CR2: variants seen among roughly 807,000 people sequenced by gnomAD.
CR2 encodes complement C3d receptor 2, also known as complement receptor type 2.
Under a neutral mutation model 123.0 loss-of-function variants are expected in CR2, and 96 were observed. The observed-to-expected ratio is 0.78, with a 90% CI of 0.66 to 0.93. CR2 has a LOEUF of 0.93. CR2 is among the 40% of genes least tolerant of loss of function. The pLI is 0.00. For synonymous variants in CR2, 484 were observed against 469.5 expected, an observed-to-expected ratio of 1.03 and a Z score of -0.40; for missense variants, 1,258 against 1,361.0, an observed-to-expected ratio of 0.92 and a Z score of 1.19.
At chr1:207,471,680 A>T (rs963176379) in intron 9 of CR2, among the ~76,000 whole-genome samples, 181 bp downstream of exon 9, 2 of 152,190 alleles carry the variant, frequency 1.3e-5, no homozygotes, top group Non-Finnish European at 2.9e-5. Context: ...TTCTTCATCA[A>T]TAACTTAAAT....
At chr1:207,473,266 G>T in intron 10 of CR2, 87 bp downstream of exon 10, 1 of 1,472,828 alleles carries the variant, frequency 6.8e-7, no homozygotes, top group East Asian at 2.3e-5. Flanking sequence ...ATCATGGAAA[G>T]AGGCAAGAGG....
chr1:207,472,167 T>G (rs994678058), intron 9 of CR2, among the ~76,000 whole-genome samples: 2 of 152,074 alleles, frequency 1.3e-5, no homozygotes, highest in Non-Finnish European at 2.9e-5. Context: ...GAGAATCACT[T>G]GAACCCGGGA....
In CR2 at chr1:207,489,466, C is replaced by T. The variant is rs553342642; in HGVS notation, c.*343C>T. The T allele has an allele frequency of 6.6e-6, 1 of 152,288 alleles. No homozygotes were observed. Among genetic ancestry groups the T allele is most frequent in the Non-Finnish European group, 1.5e-5 (1 of 68,020 alleles). The allele number at this position is 152,288 out of a possible 1,614,324, so 9.4% of individuals were successfully genotyped here. A position where few individuals can be genotyped will look rare whatever the true frequency, so the allele number is the denominator to read the frequency against. On this transcript the variant is annotated 3_prime_UTR_variant, in exon 20 of 20. Transcript: ENST00000367057. Reference sequence around the variant, plus strand: ...GAGCTGTCCTGGTATCTAGACCCATCTTCTTTTTGAAATCAGCATACTCAA... The same window carrying T: ...GAGCTGTCCTGGTATCTAGACCCATTTTCTTTTTGAAATCAGCATACTCAA...
chr1:207,479,979 T>C lies in CR2; in HGVS notation c.3114T>C (p.Gly1038=). 1 of 1,611,778 alleles carries C rather than the reference T, an allele frequency of 6.2e-7. No homozygotes were observed. Among genetic ancestry groups the C allele is most frequent in the African/African-American group, 1.3e-5 (1 of 74,954 alleles). The part of the protein sequence containing the change: ...RSRSLAPVLC[G]IAAGLILLTF... ...ATACTTGCTGGATTTTTCTTCTAGG[T>C]ATTGCTGCAGGTTTGATACTTCTTA... Residue 1038 remains glycine (G), a splice_region_variant and synonymous_variant, in exon 18 of 20, where the codon GGT becomes GGC. Transcript: ENST00000367057.
chr1:207,470,120 C>A lies in CR2; in HGVS notation c.1225+18C>A. The A allele has an allele frequency of 1.2e-6, 2 of 1,612,772 alleles. No homozygotes were observed. The highest frequency in any genetic ancestry group is 1.1e-5 in the South Asian group (1 of 90,974). ...TGAAAAGGGTGAGTGTTCCGGTACT[C>A]AGAAAAGGTGCTTCTGATTCGTTTC... On this transcript the variant is annotated intron_variant, in intron 6 of 19. Coordinates refer to ENST00000367057, the MANE Select transcript of CR2 (RefSeq NM_001006658.3).
intron 1 of CR2, among the ~76,000 whole-genome samples, chr1:207,456,061 T>A (rs1657826253): frequency 6.6e-6 from 1 of 152,198 alleles, no homozygotes; most frequent in Non-Finnish European, 1.5e-5. Flanking sequence ...AAACAAAAAA[T>A]TAAGAAATAT....
chr1:207,462,493 T>TG (rs1433520890), intron 1 of CR2, among the ~76,000 whole-genome samples: 1 of 152,164 alleles, frequency 6.6e-6, no homozygotes, highest in East Asian at 1.9e-4. Flanking sequence ...AATATATGCA[T>TG]TTTTTCCCTA....
chr1:207,463,636 CTTTATT>C, intron 1 of CR2, among the ~76,000 whole-genome samples: 1 of 152,114 alleles, frequency 6.6e-6, no homozygotes, highest in South Asian at 2.1e-4. Flanking sequence ...GATGATCACT[CTTTATT>C]TTTATTTTTA....
rs34486455 is a variant in CR2 at position 207,466,656 on chromosome 1, A to T, written c.189A>T (p.Leu63=). 3.7e-6 allele frequency: 6 copies of T among 1,613,992 alleles called. No homozygotes were observed. The Admixed American group carries it at 1.0e-4, about 27-fold the overall frequency. Residue 63 remains leucine (L), a synonymous_variant, in exon 2 of 20, where the codon CTA becomes CTT. Coordinates refer to ENST00000367057, the MANE Select transcript of CR2 (RefSeq NM_001006658.3). ...GTFRLIGEKS[L]LCITKDKVDG... is the part of the protein sequence containing the mutation. ...TCCGCCTCATTGGAGAAAAAAGTCT[A>T]TTATGCATAACTAAAGACAAAGTGG...
chr1:207,474,640 T>C (rs1658383914), intron 13 of CR2, among the ~76,000 whole-genome samples, 184 bp from the exon 14 acceptor site: 1 of 152,244 alleles, frequency 6.6e-6, no homozygotes, highest in South Asian at 2.1e-4. Context: ...ATGGAGTATA[T>C]AGTACTCCTA....
Position 207,469,180 on chromosome 1 carries a change from G to T in CR2, c.765G>T (p.Arg255=), listed in dbSNP as rs1183204981. The T allele has an allele frequency of 1.2e-6, 2 of 1,613,824 alleles. No homozygotes were observed. The highest frequency in any genetic ancestry group is 1.7e-6 in the Non-Finnish European group (2 of 1,179,858). Residue 255 remains arginine, a synonymous_variant, in exon 5 of 20, where the codon CGG becomes CGT. Transcript: ENST00000367057. ...GYRLQGPPSS[R]CVIAGQGVAW... The stretch of plus-strand genomic sequence containing the variant: ...GACTGCAAGGCCCACCTTCTAGTCG[G>T]TGTGTAATTGCTGGACAGGGAGTTG...
rs769415969 is a variant in CR2 at position 207,468,703 on chromosome 1, C to G, written c.622C>G (p.Pro208Ala). ...LSSGKWSAVP[P>A]TCEEARCKSL... ...TTCGGGAAAATGGAGTGCTGTCCCC[C>G]CCACATGTGAAGGTACCCTAAATTT... The change falls in exon 3 of 20, where the codon CCC (proline) becomes GCC (alanine). Residue 208 changes from proline to alanine, a missense_variant. Pro to Ala is a conservative substitution (Grantham distance 27). Coordinates refer to ENST00000367057, the MANE Select transcript of CR2 (RefSeq NM_001006658.3). The G allele has an allele frequency of 2.0e-5, 33 of 1,613,872 alleles. No homozygotes were observed. The highest frequency in any genetic ancestry group is 1.2e-4 in the African/African-American group (9 of 74,872).
chr1:207,468,438 G>T (rs1658164616), intron 2 of CR2, 89 bp from the exon 3 acceptor site: 1 of 1,356,364 alleles, frequency 7.4e-7, no homozygotes, highest in East Asian at 2.3e-5. Flanking sequence ...ATGTTGCCCA[G>T]GGAAGCCAAA....
rs748201666 is a variant in CR2, at chr1:207,469,852, T to C, written c.975T>C (p.Cys325=). ...FILIGESTLR[C]TVDSQKTGTW... ...TTATTGGAGAGAGCACTCTCCGTTGTACAGTTGATAGTCAGAAGACTGGGA... is the reference window on the plus strand; with the variant it reads ...TTATTGGAGAGAGCACTCTCCGTTGCACAGTTGATAGTCAGAAGACTGGGA... Residue 325 remains cysteine, a synonymous_variant, in exon 6 of 20, where the codon TGT becomes TGC. Transcript: ENST00000367057. 9 of 1,613,868 alleles carry C rather than the reference T, an allele frequency of 5.6e-6. No individual in the cohort carries two copies. In the East Asian group the frequency reaches 1.3e-4, roughly 24 times the overall value.
In CR2 at chr1:207,454,604, G is replaced by GC; in HGVS notation, c.58+129dup. The GC allele has an allele frequency of 1.4e-6, 1 of 736,030 alleles. No homozygotes were observed. Among genetic ancestry groups the GC allele is most frequent in the Non-Finnish European group, 2.2e-6 (1 of 464,316 alleles). The allele number at this position is 736,030 out of a possible 1,614,324, so 45.6% of individuals were successfully genotyped here. A position where few individuals can be genotyped will look rare whatever the true frequency, so the allele number is the denominator to read the frequency against. On this transcript the variant is annotated intron_variant, in intron 1 of 19. Transcript: ENST00000367057. The surrounding 1 kb of genome is among the most constrained non-coding windows in gnomAD (Gnocchi z 4.3). ...AGTGCTCGACGCGTGTCCGCCTCCC[G>GC]CTAGCTTTGAGGGACCACTGCAATA...
rs150388945 is a variant in CR2, at chr1:207,471,406, C to T, written c.1494-17C>T. 265 of 1,590,548 alleles carry T rather than the reference C, an allele frequency of 1.7e-4. 1 individual carries two copies. The highest frequency in any genetic ancestry group is 6.7e-5 in the Admixed American group (4 of 59,926). ...GGTCACCTGATGGCAAAATGACATA[C>T]GTGACTCTGTCTCTAGGTACAAGTT... On this transcript the variant is annotated splice_polypyrimidine_tract_variant and intron_variant, in intron 8 of 19. Transcript: ENST00000367057.
chr1:207,486,529 A>C (rs948221560), intron 19 of CR2, among the ~76,000 whole-genome samples: 2 of 149,710 alleles, frequency 1.3e-5, no homozygotes, highest in African/African-American at 4.9e-5. Flanking sequence ...TTTTATTTGG[A>C]AGCTTTTAAG....
intron 1 of CR2, among the ~76,000 whole-genome samples, chr1:207,461,860 G>A (rs1188830338): frequency 1.3e-5 from 2 of 152,090 alleles, no homozygotes; most frequent in Non-Finnish European, 2.9e-5. Flanking sequence ...AACATGTTAT[G>A]TTTAAGATAA....
intron 13 of CR2, 107 bp downstream of exon 13, chr1:207,474,430 C>T (rs1386584397): frequency 1.2e-6 from 1 of 841,480 alleles, no homozygotes; most frequent in Non-Finnish European, 2.0e-6. Context: ...GCGTCTCCCT[C>T]ATTGGAGGTT....
Sources: gnomAD v4.1 joint callset for allele counts (sites outside exome capture counted in the v4.1 genomes callset) on GRCh38, gnomAD v4.1.1 for gene constraint, Gnocchi (gnomAD v3.1) non-coding constraint, MANE v1.5 for transcripts, NCBI Gene and HGNC (gene_info 2026-07-23, HGNC 2026-07-21) for gene names.